POFUT3: variants seen among roughly 807,000 people sequenced by gnomAD.
POFUT3 encodes GDP-fucose protein O-fucosyltransferase 3.
At chr8:33,372,852 G>T in the POFUT3 span, 1 of 1,543,694 alleles carries the variant, frequency 6.5e-7, no homozygotes, top group Non-Finnish European at 8.9e-7. Context: ...TGATAATGAA[G>T]CACAATTCCC....
the POFUT3 span, among the ~76,000 whole-genome samples, chr8:33,318,297 T>A: frequency 6.6e-6 from 1 of 151,258 alleles, no homozygotes; most frequent in Non-Finnish European, 1.5e-5. Context: ...TAATTCAGAA[T>A]CTTGGGGGTG....
chr8:33,355,493 A>G, the POFUT3 span, among the ~76,000 whole-genome samples: 1 of 152,236 alleles, frequency 6.6e-6, no homozygotes, highest in East Asian at 1.9e-4. Flanking sequence ...CCAGCTACCT[A>G]GGCATCCCTT....
chr8:33,311,892 T>C, the POFUT3 span, among the ~76,000 whole-genome samples: 1 of 152,132 alleles, frequency 6.6e-6, no homozygotes, highest in Non-Finnish European at 1.5e-5. Context: ...GGAAATAGAA[T>C]CTTCATAAAT....
At chr8:33,349,788 G>A in the POFUT3 span, among the ~76,000 whole-genome samples, 1 of 152,018 alleles carries the variant, frequency 6.6e-6, no homozygotes, top group Non-Finnish European at 1.5e-5. Flanking sequence ...TTTTCCTTTG[G>A]GCAGATACCC....
chr8:33,386,559 T>C, the POFUT3 span, among the ~76,000 whole-genome samples: 1 of 152,124 alleles, frequency 6.6e-6, no homozygotes, highest in Non-Finnish European at 1.5e-5. Flanking sequence ...GCCTGTAATC[T>C]CAGCACTTTG....
chr8:33,437,317 G>A, the POFUT3 span, among the ~76,000 whole-genome samples: 4 of 151,130 alleles, frequency 2.6e-5, no homozygotes, highest in South Asian at 2.1e-4. Context: ...AATGGAGCTC[G>A]AACTCCCCTA....
At chr8:33,402,426 C>T in the POFUT3 span, among the ~76,000 whole-genome samples, 4 of 152,186 alleles carry the variant, frequency 2.6e-5, no homozygotes, top group Admixed American at 6.5e-5. Context: ...TCAAAACCTG[C>T]AGTGTTCCAC....
chr8:33,326,178 C>T, the POFUT3 span, among the ~76,000 whole-genome samples: 1 of 152,172 alleles, frequency 6.6e-6, no homozygotes, highest in East Asian at 1.9e-4. Context: ...TCCAGAGGGT[C>T]TTTCATCCTC....
the POFUT3 span, among the ~76,000 whole-genome samples, chr8:33,420,909 T>C: frequency 6.6e-6 from 1 of 151,648 alleles, no homozygotes; most frequent in African/African-American, 2.4e-5. Context: ...CATGAATATG[T>C]AAAATTATTT....
At chr8:33,384,021 T>C in the POFUT3 span, among the ~76,000 whole-genome samples, 1 of 151,716 alleles carries the variant, frequency 6.6e-6, no homozygotes, top group Non-Finnish European at 1.5e-5. Context: ...TAGTTCCAAC[T>C]GCAGCTGCCT....
At chr8:33,404,899 C>A in the POFUT3 span, among the ~76,000 whole-genome samples, 122,592 of 151,326 alleles carry the variant, frequency 0.81, 49,874 homozygotes, top group Middle Eastern at 0.91. Flanking sequence ...ACAACAACAA[C>A]AAAAAAAGAA....
the POFUT3 span, among the ~76,000 whole-genome samples, chr8:33,331,340 A>C: frequency 1.5e-4 from 23 of 152,022 alleles, no homozygotes; most frequent in African/African-American, 5.6e-4. Context: ...GTCTCAAAAA[A>C]AAAAAAAGAC....
the POFUT3 span, among the ~76,000 whole-genome samples, chr8:33,403,060 CA>C: frequency 1.4e-3 from 196 of 136,134 alleles, no homozygotes; most frequent in Middle Eastern, 3.8e-3. Context: ...AACCGTGTCT[CA>C]AAAAAAAAAA....
the POFUT3 span, among the ~76,000 whole-genome samples, chr8:33,326,026 C>G: frequency 6.6e-6 from 1 of 152,172 alleles, no homozygotes; most frequent in African/African-American, 2.4e-5. Context: ...TTGCATGGAG[C>G]TGCTGGGACT....
the POFUT3 span, among the ~76,000 whole-genome samples, chr8:33,449,822 G>A: frequency 0.59 from 89,324 of 151,388 alleles, 26,592 homozygotes; most frequent in African/African-American, 0.64. Flanking sequence ...CATTCATGCT[G>A]TTCTTCATAC....
At chr8:33,357,326 C>T in the POFUT3 span, among the ~76,000 whole-genome samples, 1 of 151,978 alleles carries the variant, frequency 6.6e-6, no homozygotes, top group East Asian at 1.9e-4. Flanking sequence ...GAGTGTCTAT[C>T]TTTCCTATCT....
the POFUT3 span, among the ~76,000 whole-genome samples, chr8:33,380,063 C>CTATATATATACACTATATAT: frequency 2.1e-5 from 1 of 47,832 alleles, no homozygotes; most frequent in African/African-American, 1.5e-4. Context: ...TATATATATA[C>CTATATATATACACTATATAT]ACTATATATA....
the POFUT3 span, among the ~76,000 whole-genome samples, chr8:33,427,849 T>C: frequency 6.6e-6 from 1 of 151,796 alleles, no homozygotes; most frequent in Non-Finnish European, 1.5e-5. Flanking sequence ...GACCTCAGCC[T>C]GGCGCGGTGG....
the POFUT3 span, among the ~76,000 whole-genome samples, chr8:33,330,376 G>A: frequency 7.2e-5 from 11 of 152,072 alleles, no homozygotes; most frequent in Non-Finnish European, 1.5e-4. Context: ...CTCAGGAGGC[G>A]GAGTTTGCAG....
Sources: gnomAD v4.1 joint callset for allele counts (sites outside exome capture counted in the v4.1 genomes callset) on GRCh38, gnomAD v4.1.1 for gene constraint, MANE v1.5 for transcripts, NCBI Gene and HGNC (gene_info 2026-07-23, HGNC 2026-07-21) for gene names.